ATF7IP: variants seen among roughly 807,000 people sequenced by gnomAD.
ATF7IP encodes the protein activating transcription factor 7-interacting protein 1.
In ATF7IP, 23 loss-of-function variants were observed where a neutral mutation model predicts 106.4. That is an observed-to-expected ratio of 0.22 (90% confidence interval 0.16 to 0.31). ATF7IP has a LOEUF of 0.31. Among genes scored for constraint, ATF7IP ranks in the 10% least tolerant of loss-of-function variants. The pLI, the probability that ATF7IP is intolerant of heterozygous loss-of-function variation, is 1.00. For missense variants in ATF7IP, 1,334 were observed against 1,524.3 expected, an observed-to-expected ratio of 0.88 and a Z score of 2.08; for synonymous variants, 542 against 539.0, an observed-to-expected ratio of 1.01 and a Z score of -0.08.
Position 14,380,337 on chromosome 12 carries a change from A to G in ATF7IP, c.-8+14510A>G, listed in dbSNP as rs780009723. 4.6e-5 allele frequency among the ~76,000 whole-genome samples: 7 copies of G among 152,096 alleles called. No homozygotes were observed. In the East Asian group the frequency reaches 1.3e-3, roughly 29 times the overall value. On this transcript the variant is annotated intron_variant, in intron 1 of 14. Coordinates refer to ENST00000261168, the MANE Select transcript of ATF7IP (RefSeq NM_018179.5). The stretch of plus-strand genomic sequence containing the variant: ...TCAATTGCCTTCCTTAGGTAACTGC[A>G]TAATGTGATGTGGAAGATTCAAAAG...
In ATF7IP at chr12:14,372,072, G is replaced by A. The variant is rs927622188; in HGVS notation, c.-8+6245G>A. ...CACTTTCCTAGAGTACTTAGAAATT[G>A]CCTATCCTTTAGTGGAACTCTCTTT... On this transcript the variant is annotated intron_variant, in intron 1 of 14. Transcript: ENST00000261168. 2.6e-5 allele frequency among the ~76,000 whole-genome samples: 4 copies of A among 152,148 alleles called. No individual in the cohort carries two copies. The East Asian group carries it at 7.7e-4, about 29-fold the overall frequency.
Position 14,434,417 on chromosome 12 carries a change from G to T in ATF7IP, c.1639G>T (p.Glu547Ter). 6.4e-7 allele frequency: 1 copy of T among 1,561,950 alleles called. No individual in the cohort carries two copies. The highest frequency in any genetic ancestry group is 1.1e-5 in the South Asian group (1 of 88,440). ...ACATGAAGATGATGAAAGACCTTCTGAGAAAAGTATGCATGTATAAACAAA... is the reference window on the plus strand; with the variant it reads ...ACATGAAGATGATGAAAGACCTTCTTAGAAAAGTATGCATGTATAAACAAA... ...VIHEDDERPS[E>*]KNEFSRRKRS... The change falls in exon 3 of 15, where the codon GAG becomes TAG. Residue 547 changes from glutamate (E) to a stop codon, truncating the protein, a stop_gained. Coordinates refer to ENST00000261168, the MANE Select transcript of ATF7IP (RefSeq NM_018179.5). LOFTEE classifies it high-confidence loss of function.
At chr12:14,372,460 C>CAAAA (rs11431179) in intron 1 of ATF7IP, among the ~76,000 whole-genome samples, 191 of 121,398 alleles carry the variant, frequency 1.6e-3, no homozygotes, top group African/African-American at 5.7e-3. Context: ...AGCCACTTTT[C>CAAAA]AAAAAAAAAA....
At chr12:14,434,480 A>T in intron 3 of ATF7IP, 57 bp downstream of exon 3, 1 of 1,086,288 alleles carries the variant, frequency 9.2e-7, no homozygotes, top group Non-Finnish European at 1.4e-6. Context: ...CACTGTTTCT[A>T]TATTTACAAC....
intron 10 of ATF7IP, among the ~76,000 whole-genome samples, chr12:14,473,270 A>ATC (rs1944122518): frequency 1.0e-5 from 1 of 97,090 alleles, no homozygotes; most frequent in African/African-American, 4.5e-5. Flanking sequence ...TTAGCTTTTT[A>ATC]GCGCGCTCTC....
chr12:14,442,990 A>C (rs1199312041), intron 5 of ATF7IP, among the ~76,000 whole-genome samples: 1 of 152,064 alleles, frequency 6.6e-6, no homozygotes, highest in African/African-American at 2.4e-5. Flanking sequence ...CCTCGTCTCT[A>C]CTAAAAATAC....
rs760658262 is a variant in ATF7IP at position 14,424,680 on chromosome 12, C to T, written c.765C>T (p.Ala255=). ...CTGATCCAGCCTCTGATGATCTGGC[C>T]TCTGGTGATCTATCCTCTAGTGAAC... The part of the protein sequence containing the change: ...ASTDPASDDL[A]SGDLSSSELA... Residue 255 remains alanine (A), a synonymous_variant, in exon 2 of 15, where the codon GCC becomes GCT. Transcript: ENST00000261168. 1.1e-5 allele frequency: 18 copies of T among 1,614,004 alleles called. No individual in the cohort carries two copies. Among genetic ancestry groups the T allele is most frequent in the Non-Finnish European group, 1.4e-5 (17 of 1,180,032 alleles).
In ATF7IP at chr12:14,372,496, C is replaced by CAGTT. The variant is rs1441826161; in HGVS notation, c.-8+6671_-8+6674dup. Among the ~76,000 whole-genome samples the CAGTT allele has an allele frequency of 2.7e-5, 4 of 150,418 alleles. No individual in the cohort carries two copies. The East Asian group carries it at 7.7e-4, about 29-fold the overall frequency. On this transcript the variant is annotated intron_variant, in intron 1 of 14. Transcript: ENST00000261168. ...AAAAAATACCATAGGCCTAAGGGAA[C>CAGTT]AGTTATACCTTCCTGAGAGTCTTTA... is the stretch of plus-strand genomic sequence containing the variant.
intron 2 of ATF7IP, among the ~76,000 whole-genome samples, chr12:14,426,404 A>G (rs943478226): frequency 7.9e-5 from 12 of 152,022 alleles, no homozygotes; most frequent in Non-Finnish European, 1.5e-4. Flanking sequence ...TGCTAGCATA[A>G]AACACCATCT....
intron 10 of ATF7IP, among the ~76,000 whole-genome samples, chr12:14,473,284 C>G (rs77003651): frequency 0.45 from 30,793 of 68,110 alleles, 3,999 homozygotes; most frequent in East Asian, 0.56. Flanking sequence ...CGCTCTCTCT[C>G]TCTCTCTGTG....
At position 14,456,571 on chromosome 12, in the gene ATF7IP, A is replaced by T; in HGVS notation, c.2006A>T (p.Asn669Ile). The change falls in exon 7 of 15, where the codon AAC (asparagine) becomes ATC (isoleucine). Residue 669 changes from asparagine (N) to isoleucine (I), a missense_variant. Around this residue, in one of 10 missense-constraint regions of ATF7IP, gnomAD observed 171 missense variants for 172.6 expected, o/e 0.99. Coordinates refer to ENST00000261168, the MANE Select transcript of ATF7IP (RefSeq NM_018179.5). ...DLKKRHEHPP[N>I]PPVSPGKTVN... The stretch of plus-strand genomic sequence containing the variant: ...TTTTTTCTCCCCCAGCATCCACCCA[A>T]CCCACCAGTATCACCAGGAAAAACT... 1.2e-6 allele frequency: 2 copies of T among 1,611,960 alleles called. No homozygotes were observed. The highest frequency in any genetic ancestry group is 2.2e-5 in the South Asian group (2 of 91,040).
chr12:14,432,162 C>G (rs1942172949), intron 2 of ATF7IP, among the ~76,000 whole-genome samples: 1 of 152,164 alleles, frequency 6.6e-6, no homozygotes, highest in Non-Finnish European at 1.5e-5. Context: ...CTGCTGTGTT[C>G]TGGATGCTCT....
At chr12:14,469,785 T>A (rs746998145) in intron 10 of ATF7IP, among the ~76,000 whole-genome samples, 1 of 152,044 alleles carries the variant, frequency 6.6e-6, no homozygotes, top group African/African-American at 2.4e-5. Flanking sequence ...GGGAAAAAAA[T>A]TTGCAGAGTT....
chr12:14,480,514 G>C (rs1944397391), intron 12 of ATF7IP, among the ~76,000 whole-genome samples: 1 of 152,138 alleles, frequency 6.6e-6, no homozygotes, highest in African/African-American at 2.4e-5. Context: ...CAAAGAGATA[G>C]GTTGGCTCAC....
At chr12:14,397,186 C>CA (rs1565480409) in intron 1 of ATF7IP, among the ~76,000 whole-genome samples, 1 of 151,738 alleles carries the variant, frequency 6.6e-6, no homozygotes, top group Non-Finnish European at 1.5e-5. Context: ...CAAAAACAAA[C>CA]AAAAAAACAA....
chr12:14,484,883 A>G (rs1944549194), intron 13 of ATF7IP, among the ~76,000 whole-genome samples: 1 of 152,162 alleles, frequency 6.6e-6, no homozygotes, highest in African/African-American at 2.4e-5. Context: ...GAAAGCACCC[A>G]GTTCATGATA....
chr12:14,433,282 G>A (rs992192767), intron 2 of ATF7IP, among the ~76,000 whole-genome samples: 25 of 152,062 alleles, frequency 1.6e-4, no homozygotes, highest in African/African-American at 2.4e-5. Context: ...TGAGGGGGGT[G>A]GATCACGAGG....
chr12:14,461,991 T>C (rs1943657983), intron 9 of ATF7IP, among the ~76,000 whole-genome samples: 1 of 152,170 alleles, frequency 6.6e-6, no homozygotes, highest in African/African-American at 2.4e-5. Flanking sequence ...CCTTAGTTTT[T>C]ATTTGTCATA....
At chr12:14,450,610 G>T (rs1026736408) in intron 6 of ATF7IP, among the ~76,000 whole-genome samples, 2 of 151,962 alleles carry the variant, frequency 1.3e-5, no homozygotes, top group African/African-American at 4.8e-5. Context: ...AGGGATATTT[G>T]TCTGTAGTTT....
Sources: allele counts gnomAD v4.1 joint callset (sites outside exome capture counted in the v4.1 genomes callset), GRCh38; gene constraint gnomAD v4.1.1; regional missense constraint gnomAD v4.1.1; transcripts MANE v1.5; gene names NCBI Gene and HGNC (gene_info 2026-07-23, HGNC 2026-07-21).